Variants in DBH observed in about 807,000 individuals in gnomAD.
DBH encodes the protein dopamine beta-hydroxylase.
DBH carries 49 observed loss-of-function variants against 64.0 expected under a neutral mutation model. That is an observed-to-expected ratio of 0.77 (90% CI 0.61 to 0.97). The LOEUF (loss-of-function observed/expected upper bound fraction) is 0.97. Among genes scored for constraint, DBH ranks in the 50% least tolerant of loss-of-function variants. The probability of loss-of-function intolerance (pLI) is 0.00; values close to 1 mark genes in which losing one functional copy is unlikely to be tolerated. For missense variants in DBH, 828 were observed against 826.6 expected, an observed-to-expected ratio of 1.00 and a Z score of -0.02; for synonymous variants, 343 against 347.1, an observed-to-expected ratio of 0.99 and a Z score of 0.13.
chr9:133,642,772 C>G (rs1049839222), intron 3 of DBH, among the ~76,000 whole-genome samples: 9 of 152,204 alleles, frequency 5.9e-5, no homozygotes, highest in Non-Finnish European at 1.2e-4. Flanking sequence ...CAGGCCACCT[C>G]CCCCTTCATG....
intron 10 of DBH, 149 bp downstream of exon 10, chr9:133,656,799 G>C: frequency 8.9e-7 from 1 of 1,122,770 alleles, no homozygotes; most frequent in Non-Finnish European, 1.3e-6. Context: ...CCCCTCACTC[G>C]TTTCCTGCTG....
intron 9 of DBH, chr9:133,655,588 G>A (rs1270746340): frequency 6.6e-6 from 1 of 152,380 alleles, no homozygotes. Flanking sequence ...GCTGGTGTAA[G>A]TGCCACGCCA....
intron 8 of DBH, 127 bp from the exon 9 acceptor site, chr9:133,652,813 G>T (rs1252593244): frequency 4.1e-6 from 3 of 728,906 alleles, no homozygotes; most frequent in Non-Finnish European, 7.5e-6. Context: ...TCCTTGTAGT[G>T]GACGACAGGG....
chr9:133,651,409 T>A (rs1325158202), intron 6 of DBH, among the ~76,000 whole-genome samples: 1 of 152,196 alleles, frequency 6.6e-6, no homozygotes, highest in Non-Finnish European at 1.5e-5. Flanking sequence ...TGAGTGGGAC[T>A]AGGGGCTGCT....
chr9:133,650,219 C>T (rs900585824), intron 6 of DBH, among the ~76,000 whole-genome samples: 9 of 152,118 alleles, frequency 5.9e-5, no homozygotes, highest in African/African-American at 1.9e-4. Flanking sequence ...AAGGTCAGGG[C>T]GGCCGCTGCT....
intron 11 of DBH, 53 bp downstream of exon 11, chr9:133,657,282 G>A: frequency 2.5e-6 from 4 of 1,608,934 alleles, no homozygotes; most frequent in Non-Finnish European, 3.4e-6. Context: ...CCTCATGGGG[G>A]GCCCCAGTGA....
chr9:133,651,596 G>A (rs148982603), intron 6 of DBH, 38 bp from the exon 7 acceptor site: 2 of 1,611,794 alleles, frequency 1.2e-6, no homozygotes, highest in East Asian at 2.2e-5. Flanking sequence ...GTCCCCTCGG[G>A]GGTCAGGCCC....
Position 133,658,352 on chromosome 9 carries a change from T to G in DBH, c.1759T>G (p.Ser587Ala). Reference sequence around the variant, plus strand: ...CCTGCAGCCCCTGCCCAAGGTCATCTCCACACTGGAAGAGCCCACCCCACA... The same window carrying G: ...CCTGCAGCCCCTGCCCAAGGTCATCGCCACACTGGAAGAGCCCACCCCACA... ...WNLQPLPKVISTLEEPTPQCP... is the reference protein window; with the variant it reads ...WNLQPLPKVIATLEEPTPQCP... The change falls in exon 12 of 12, where the codon TCC becomes GCC. Residue 587 changes from serine to alanine, a missense_variant. By Grantham distance (99) the Ser-to-Ala change is moderately conservative. Coordinates refer to ENST00000393056, the MANE Select transcript of DBH (RefSeq NM_000787.4). The G allele has an allele frequency of 4.3e-6, 7 of 1,613,628 alleles. No homozygotes were observed. Among genetic ancestry groups the G allele is most frequent in the Non-Finnish European group, 5.1e-6 (6 of 1,179,812 alleles).
intron 2 of DBH, among the ~76,000 whole-genome samples, chr9:133,641,184 C>T (rs535448119): frequency 2.6e-5 from 4 of 152,328 alleles, no homozygotes; most frequent in South Asian, 2.1e-4. Flanking sequence ...TAGACAAATA[C>T]GGAATCTAAG....
In DBH at chr9:133,639,962, C is replaced by T. The variant is rs1374728532; in HGVS notation, c.456C>T (p.Gly152=). ...CCCTGCTTTTCAAGAGGCCCTTTGG[C>T]ACCTGCGACCCCAAGGATTACCTCA... is the stretch of plus-strand genomic sequence containing the variant. ...GLTLLFKRPF[G]TCDPKDYLIE... The change falls in exon 2 of 12, where the codon GGC becomes GGT. Residue 152 remains glycine, a synonymous_variant. Coordinates refer to ENST00000393056, the MANE Select transcript of DBH (RefSeq NM_000787.4). 1.2e-6 allele frequency: 2 copies of T among 1,613,974 alleles called. No homozygotes were observed. Among genetic ancestry groups the T allele is most frequent in the East Asian group, 2.2e-5 (1 of 44,878 alleles).
At chr9:133,655,172 G>C (rs929799099) in intron 9 of DBH, 7 of 152,282 alleles carry the variant, frequency 4.6e-5, no homozygotes, top group Non-Finnish European at 2.9e-5. Flanking sequence ...CCTCTTGGCA[G>C]TGGCCACATC....
chr9:133,659,088 C>T lies in DBH; in HGVS notation c.*641C>T, dbSNP rs1564217017. On this transcript the variant is annotated 3_prime_UTR_variant, in exon 12 of 12. Coordinates refer to ENST00000393056, the MANE Select transcript of DBH (RefSeq NM_000787.4). ...ACGAGGCGGCAAAGATCCAGCGGGG[C>T]TTCTGGGCGCCGGTTCCACGTGGGG... 1.3e-5 allele frequency: 2 copies of T among 152,244 alleles called. No homozygotes were observed. Among genetic ancestry groups the T allele is most frequent in the Non-Finnish European group, 1.5e-5 (1 of 68,078 alleles). The allele number at this position is 152,244 out of a possible 1,614,324, so 9.4% of individuals were successfully genotyped here.
chr9:133,648,108 G>A, intron 6 of DBH, 96 bp downstream of exon 6: 1 of 1,419,396 alleles, frequency 7.0e-7, no homozygotes, highest in Non-Finnish European at 9.6e-7. Flanking sequence ...GGCAGGCACA[G>A]CTTTGGTTTC....
At chr9:133,648,591 G>A (rs975024403) in intron 6 of DBH, among the ~76,000 whole-genome samples, 5 of 152,218 alleles carry the variant, frequency 3.3e-5, no homozygotes, top group African/African-American at 7.2e-5. Flanking sequence ...TTTTCACCAC[G>A]CACCTGAGCA....
At chr9:133,650,698 C>A (rs1269721794) in intron 6 of DBH, among the ~76,000 whole-genome samples, 1 of 151,852 alleles carries the variant, frequency 6.6e-6, no homozygotes. Flanking sequence ...CAGGCACGTG[C>A]CACCATGCCC....
At position 133,642,115 on chromosome 9, in the gene DBH, A is replaced by G. The variant is rs543625346; in HGVS notation, c.487-92A>G. 1.1e-4 allele frequency: 165 copies of G among 1,522,974 alleles called. No homozygotes were observed. The African/African-American group carries it at 2.0e-3, about 19-fold the overall frequency. 94.3% of individuals were successfully genotyped at this position (1,522,974 alleles called of 1,614,324 possible). A position where few individuals can be genotyped will look rare whatever the true frequency, so the allele number is the denominator to read the frequency against. The stretch of plus-strand genomic sequence containing the variant: ...ATGAGAGTGAGGTGTGTCACCTGGT[A>G]GGTGTGGGTGGGCAGGGATGTGGCA... On this transcript the variant is annotated intron_variant, in intron 2 of 11. Coordinates refer to ENST00000393056, the MANE Select transcript of DBH (RefSeq NM_000787.4).
In DBH at chr9:133,657,062, C is replaced by T; in HGVS notation, c.1563-8C>T. On this transcript the variant is annotated splice_polypyrimidine_tract_variant and splice_region_variant and intron_variant, in intron 10 of 11. Transcript: ENST00000393056. ...CTCCCCAGCCTGGCTGTTCCTTGTC[C>T]CCACCAGGTTCAACAACGAGGATGT... 3 of 1,613,754 alleles carry T rather than the reference C, an allele frequency of 1.9e-6. No individual in the cohort carries two copies. Among genetic ancestry groups the T allele is most frequent in the African/African-American group, 1.3e-5 (1 of 75,036 alleles).
chr9:133,640,522 T>A (rs2873804), intron 2 of DBH, among the ~76,000 whole-genome samples: 2 of 152,180 alleles, frequency 1.3e-5, no homozygotes, highest in Admixed American at 1.3e-4. Context: ...TAAAACATTG[T>A]AAAAGCCATA....
intron 8 of DBH, among the ~76,000 whole-genome samples, chr9:133,652,559 C>T (rs1023093801): frequency 5.9e-5 from 9 of 152,140 alleles, no homozygotes; most frequent in Admixed American, 2.6e-4. Context: ...ACCACAAACC[C>T]GAGAGTGTTT....
Sources: gnomAD v4.1 joint callset for allele counts (sites outside exome capture counted in the v4.1 genomes callset) on GRCh38, gnomAD v4.1.1 for gene constraint, MANE v1.5 for transcripts, NCBI Gene and HGNC (gene_info 2026-07-23, HGNC 2026-07-21) for gene names.